The following GAS2 variants were observed in gnomAD, a reference collection of about 807,000 sequenced individuals.
GAS2 encodes growth arrest specific 2, also known as growth arrest-specific protein 2.
A neutral mutation model predicts 37.5 loss-of-function variants in GAS2; 20 were observed. The observed-to-expected ratio is 0.53, with a 90% CI of 0.37 to 0.77. The LOEUF is 0.77. Ranked by LOEUF, GAS2 falls within the 30% of genes least tolerant of loss-of-function variation. The pLI, the probability that GAS2 is intolerant of heterozygous loss-of-function variation, is 0.00. For synonymous variants in GAS2, 144 were observed against 132.2 expected, an observed-to-expected ratio of 1.09 and a Z score of -0.61; for missense variants, 336 against 373.4, an observed-to-expected ratio of 0.90 and a Z score of 0.82.
intron 5 of GAS2, among the ~76,000 whole-genome samples, chr11:22,740,467 T>TA (rs201054786): frequency 0.014 from 2,101 of 152,142 alleles, 54 homozygotes; most frequent in African/African-American, 0.048. Flanking sequence ...CCTTCAGCAA[T>TA]AAAAAAAATC....
At chr11:22,723,326 A>G (rs762950918) in intron 3 of GAS2, among the ~76,000 whole-genome samples, 1 of 151,934 alleles carries the variant, frequency 6.6e-6, no homozygotes, top group Non-Finnish European at 1.5e-5. Flanking sequence ...GTCTTCCAAT[A>G]TGATTGCACT....
At chr11:22,757,774 T>A (rs1226533623) in intron 7 of GAS2, among the ~76,000 whole-genome samples, 1 of 152,188 alleles carries the variant, frequency 6.6e-6, no homozygotes, top group Non-Finnish European at 1.5e-5. Flanking sequence ...CCGAAACTAT[T>A]TGTCAAAAAA....
intron 1 of GAS2, among the ~76,000 whole-genome samples, chr11:22,642,838 T>G (rs1281478447): frequency 6.6e-6 from 1 of 152,190 alleles, no homozygotes; most frequent in Non-Finnish European, 1.5e-5. Flanking sequence ...TAAATTATTC[T>G]AGACCCATTG....
chr11:22,628,308 A>G (rs1169885480), intron 1 of GAS2, among the ~76,000 whole-genome samples: 2 of 152,212 alleles, frequency 1.3e-5, no homozygotes, highest in South Asian at 2.1e-4. Flanking sequence ...TGGGAAGACT[A>G]CAGAGGACTG....
chr11:22,682,889 A>AAG, intron 2 of GAS2, among the ~76,000 whole-genome samples: 2 of 41,788 alleles, frequency 4.8e-5, no homozygotes, highest in Admixed American at 2.1e-4. Context: ...AAAAAAAAGG[A>AAG]AAAAAAAAAA....
intron 7 of GAS2, among the ~76,000 whole-genome samples, chr11:22,774,608 G>A (rs896615047): frequency 6.6e-6 from 1 of 152,202 alleles, no homozygotes; most frequent in Non-Finnish European, 1.5e-5. Context: ...AGTACTAAAG[G>A]CAGTATTTGG....
At chr11:22,638,422 T>C (rs1233035935) in intron 1 of GAS2, among the ~76,000 whole-genome samples, 1 of 151,828 alleles carries the variant, frequency 6.6e-6, no homozygotes, top group Non-Finnish European at 1.5e-5. Flanking sequence ...CTCGGCTCAC[T>C]GCAGCCTTTG....
chr11:22,701,237 T>C (rs1850823393), intron 3 of GAS2, among the ~76,000 whole-genome samples: 1 of 152,182 alleles, frequency 6.6e-6, no homozygotes, highest in Non-Finnish European at 1.5e-5. Context: ...GCAAGTTCAT[T>C]TTATCAATCT....
intron 7 of GAS2, among the ~76,000 whole-genome samples, chr11:22,759,151 A>T (rs933257710): frequency 6.6e-6 from 1 of 152,162 alleles, no homozygotes; most frequent in African/African-American, 2.4e-5. Context: ...ACTATGAATG[A>T]AAAAATAAGA....
At chr11:22,648,395 T>G (rs1175415214) in intron 1 of GAS2, among the ~76,000 whole-genome samples, 3 of 152,242 alleles carry the variant, frequency 2.0e-5, no homozygotes, top group Admixed American at 6.5e-5. Flanking sequence ...TAGGATTGAC[T>G]TGGTGATGCG....
At chr11:22,738,299 G>A (rs1852861258) in intron 5 of GAS2, among the ~76,000 whole-genome samples, 1 of 152,150 alleles carries the variant, frequency 6.6e-6, no homozygotes, top group Non-Finnish European at 1.5e-5. Flanking sequence ...TTATGTAGAA[G>A]CATCTTTGAA....
intron 7 of GAS2, among the ~76,000 whole-genome samples, chr11:22,764,090 T>C (rs1247578047): frequency 6.6e-6 from 1 of 152,234 alleles, no homozygotes; most frequent in Non-Finnish European, 1.5e-5. Context: ...GCATATGTTT[T>C]AGATAAATGC....
intron 1 of GAS2, among the ~76,000 whole-genome samples, chr11:22,658,570 A>AG (rs1451514590): frequency 1.3e-5 from 2 of 152,204 alleles, no homozygotes; most frequent in Non-Finnish European, 2.9e-5. Flanking sequence ...AAAAAAATCT[A>AG]GGGGGTTTCC....
intron 7 of GAS2, among the ~76,000 whole-genome samples, chr11:22,784,417 T>A (rs928747659): frequency 6.6e-6 from 1 of 152,186 alleles, no homozygotes; most frequent in Non-Finnish European, 1.5e-5. Flanking sequence ...ATAGTTCATA[T>A]TCCTTACCAT....
At chr11:22,793,692 A>G (rs1262049872) in intron 7 of GAS2, among the ~76,000 whole-genome samples, 2 of 152,220 alleles carry the variant, frequency 1.3e-5, no homozygotes, top group Non-Finnish European at 2.9e-5. Context: ...AAACAAAGGA[A>G]AAGCAATATA....
chr11:22,716,643 C>CA (rs71037523), intron 3 of GAS2, among the ~76,000 whole-genome samples: 2,812 of 132,544 alleles, frequency 0.021, 100 homozygotes, highest in African/African-American at 0.074. Context: ...GTCTCTGTCT[C>CA]AAAAAAAAAA....
In GAS2 at chr11:22,709,219, AAC is replaced by A. The variant is rs770744737; in HGVS notation, c.268-17072_268-17071del. On this transcript the variant is annotated intron_variant, in intron 3 of 7. Coordinates refer to ENST00000454584, the MANE Select transcript of GAS2 (RefSeq NM_001143830.3). ...GCACAGCATGGTAATGAAAAAAAAA[AAC>A]CACAGAAGACATTGTAATTAAATCA... is the stretch of plus-strand genomic sequence containing the variant. Among the ~76,000 whole-genome samples, 81 of 89,294 alleles carry A rather than the reference AAC, an allele frequency of 9.1e-4. 1 individual carries two copies. The Admixed American group carries it at 0.01, about 11-fold the overall frequency. The allele number at this position is 89,294 out of a possible 152,430, so 58.6% of individuals were successfully genotyped here. A position where few individuals can be genotyped will look rare whatever the true frequency, so the allele number is the denominator to read the frequency against.
chr11:22,682,491 CTTT>C (rs1206337865), intron 2 of GAS2, among the ~76,000 whole-genome samples: 17 of 152,136 alleles, frequency 1.1e-4, no homozygotes, highest in African/African-American at 3.9e-4. Context: ...AGTTTATCTT[CTTT>C]ATCTTAAAAT....
At chr11:22,783,093 C>A (rs1235794403) in intron 7 of GAS2, among the ~76,000 whole-genome samples, 3 of 152,120 alleles carry the variant, frequency 2.0e-5, no homozygotes, top group Non-Finnish European at 4.4e-5. Flanking sequence ...CTTTTCTCTG[C>A]AGGCTTGCCA....
Sources: allele counts gnomAD v4.1 joint callset (sites outside exome capture counted in the v4.1 genomes callset), GRCh38; gene constraint gnomAD v4.1.1; transcripts MANE v1.5; gene names NCBI Gene and HGNC (gene_info 2026-07-23, HGNC 2026-07-21).